Variants in PTOV1 observed in about 807,000 individuals in gnomAD.
PTOV1 encodes PTOV1 extended AT-hook containing adaptor protein.
PTOV1 carries 20 observed loss-of-function variants against 58.0 expected under a neutral mutation model. The ratio of observed to expected loss-of-function variants is 0.34; its 90% CI spans 0.24 to 0.50. The LOEUF (loss-of-function observed/expected upper bound fraction) is 0.50. Among genes scored for constraint, PTOV1 ranks in the 20% least tolerant of loss-of-function variants. The probability of loss-of-function intolerance (pLI) is 0.98; values close to 1 mark genes in which losing one functional copy is unlikely to be tolerated. For synonymous variants in PTOV1, 335 were observed against 234.2 expected (o/e 1.43, Z -3.93); for missense variants, 593 against 565.4 (o/e 1.05, Z -0.50).
In PTOV1 at chr19:49,856,972, C is replaced by T. The variant is rs779997053; in HGVS notation, c.559-3C>T. On this transcript the variant is annotated splice_region_variant and splice_polypyrimidine_tract_variant and intron_variant, in intron 5 of 11. Transcript: ENST00000391842. ...ACAGGGTCCTGACCCGCGGCCCCCG[C>T]AGGCGGGCTGCATGCTGTTCCCCCA... The T allele has an allele frequency of 1.9e-6, 3 of 1,612,422 alleles. No homozygotes were observed. The highest frequency in any genetic ancestry group is 2.7e-5 in the African/African-American group (2 of 74,898).
chr19:49,857,702 C>T (rs2074540362), exon 7 of PTOV1: 1 of 1,614,040 alleles, frequency 6.2e-7, no homozygotes, highest in Non-Finnish European at 8.5e-7. Flanking sequence ...GGCAGTGGGA[C>T]CTGGTGGTGT....
chr19:49,856,789 C>T (rs10418141), intron 5 of PTOV1, 186 bp from the exon 6 acceptor site: 46 of 669,644 alleles, frequency 6.9e-5, no homozygotes, highest in Admixed American at 1.2e-4. Flanking sequence ...ATGGCAGGGT[C>T]GGGGGATGCC....
chr19:49,854,838 G>A (rs773234830), exon 4 of PTOV1: 4 of 1,613,308 alleles, frequency 2.5e-6, no homozygotes, highest in Non-Finnish European at 3.4e-6. Flanking sequence ...TAGGGAGACC[G>A]ACCAGTGGCC....
exon 11 of PTOV1, chr19:49,860,019 T>C (rs748804055): frequency 6.2e-7 from 1 of 1,614,170 alleles, no homozygotes; most frequent in South Asian, 1.1e-5. Flanking sequence ...CAAAGCATCG[T>C]GTGAGATCCG....
In PTOV1 at chr19:49,857,085, C is replaced by T. The variant is rs766681999; in HGVS notation, c.669C>T (p.Ser223=). The T allele has an allele frequency of 2.7e-5, 43 of 1,613,994 alleles. 1 individual carries two copies. In the South Asian group the frequency reaches 2.9e-4, roughly 11 times the overall value. Residue 223 remains serine (S), a synonymous_variant, in exon 6 of 12, where the codon AGC becomes AGT. Transcript: ENST00000391842. ...TGGGCCTCATCCCCTACGACCAGAG[C>T]GGCTTCGTCAGTGCCATCCGGCAGG...
chr19:49,857,004 C>T (rs949233393), exon 6 of PTOV1: 27 of 1,613,566 alleles, frequency 1.7e-5, no homozygotes, highest in East Asian at 2.2e-5. Flanking sequence ...CCCACATCTC[C>T]CCCTGTGAGG....
At chr19:49,855,125 G>A in intron 5 of PTOV1, 48 bp downstream of exon 5, 2 of 1,502,976 alleles carry the variant, frequency 1.3e-6, no homozygotes, top group South Asian at 1.2e-5. Flanking sequence ...AAGTACAGCT[G>A]GAGGCAGCGC....
intron 1 of PTOV1, 83 bp downstream of exon 1, chr19:49,851,582 C>G: frequency 9.7e-7 from 1 of 1,032,256 alleles, no homozygotes; most frequent in Non-Finnish European, 1.2e-6. Flanking sequence ...TTGTCCGCAG[C>G]CCCCGCCGCT....
exon 10 of PTOV1, chr19:49,858,588 C>A: frequency 6.2e-7 from 1 of 1,606,528 alleles, no homozygotes; most frequent in Non-Finnish European, 8.5e-7. Flanking sequence ...GCGCCTGGTC[C>A]AGTTCCACTT....
intron 1 of PTOV1, chr19:49,851,877 G>A: frequency 1.0e-6 from 1 of 986,660 alleles, no homozygotes; most frequent in Non-Finnish European, 1.2e-6. Flanking sequence ...CGGTTTTGGG[G>A]GACAGCGGCG....
intron 1 of PTOV1, chr19:49,853,201 G>A (rs2074321537): frequency 6.6e-6 from 1 of 152,192 alleles, no homozygotes; most frequent in Non-Finnish European, 1.5e-5. Context: ...TAGAAAATTT[G>A]GAAAATACCT....
At chr19:49,851,431 C>T in exon 1 of PTOV1, 2 of 1,215,680 alleles carry the variant, frequency 1.6e-6, no homozygotes, top group Non-Finnish European at 2.0e-6. Context: ...CGTCCGCTCG[C>T]GCTCCTGGCC....
chr19:49,854,761 G>A (rs1318557750), intron 3 of PTOV1, 27 bp downstream of exon 3: 1 of 1,613,222 alleles, frequency 6.2e-7, no homozygotes, highest in Admixed American at 1.7e-5. Context: ...GGCAGCCAGG[G>A]CGGTGGCAGG....
At chr19:49,855,013 T>A in exon 5 of PTOV1, 1 of 1,601,890 alleles carries the variant, frequency 6.2e-7, no homozygotes, top group Non-Finnish European at 8.5e-7. Flanking sequence ...TTGGCACAGT[T>A]CCACTTCACC....
chr19:49,857,870 C>T (rs1483602373), intron 7 of PTOV1, 34 bp from the exon 8 acceptor site: 5 of 1,612,308 alleles, frequency 3.1e-6, no homozygotes, highest in South Asian at 2.2e-5. Context: ...GGGTCTCCAG[C>T]CCTGAGGGCT....
At chr19:49,854,721 C>G (rs748446625) in exon 3 of PTOV1, 1 of 1,613,540 alleles carries the variant, frequency 6.2e-7, no homozygotes, top group Non-Finnish European at 8.5e-7. Flanking sequence ...CTACGTGAAC[C>G]AAGGCGAGAA....
At chr19:49,854,473 G>A in exon 2 of PTOV1, 1 of 1,612,678 alleles carries the variant, frequency 6.2e-7, no homozygotes, top group Non-Finnish European at 8.5e-7. Context: ...ACCCTCGGGG[G>A]TCTGGCCGTG....
chr19:49,854,427 G>T lies in PTOV1; in HGVS notation c.193G>T (p.Ala65Ser), dbSNP rs2074372374. ...GCAGGAAGGTGCTCGGGTCTTCGGG[G>T]CACTGGGTCCCATCGGTCCCTCCTC... is the stretch of plus-strand genomic sequence containing the variant. The change falls in exon 2 of 12, where the codon GCA becomes TCA. Residue 65 changes from alanine (A) to serine (S), a missense_variant. By Grantham distance (99) the Ala-to-Ser change is moderately conservative. Coordinates refer to ENST00000391842, the Ensembl canonical transcript of PTOV1. 3.1e-6 allele frequency: 5 copies of T among 1,611,292 alleles called. No homozygotes were observed. Among genetic ancestry groups the T allele is most frequent in the Non-Finnish European group, 4.2e-6 (5 of 1,179,506 alleles).
chr19:49,855,150 C>T lies in PTOV1; in HGVS notation c.558+73C>T, dbSNP rs570274526. The T allele has an allele frequency of 1.2e-4, 170 of 1,421,782 alleles. 1 individual carries two copies. The African/African-American group carries it at 2.0e-3, about 17-fold the overall frequency. The allele number at this position is 1,421,782 out of a possible 1,614,324, so 88.1% of individuals were successfully genotyped here. A position where few individuals can be genotyped will look rare whatever the true frequency, so the allele number is the denominator to read the frequency against. On this transcript the variant is annotated intron_variant, in intron 5 of 11. Coordinates refer to ENST00000391842, the Ensembl canonical transcript of PTOV1. ...GGAGGCAGCGCTCTGCTCACACAGT[C>T]CAGGCGGGGGTCGGGGGGTCTCCCC...
Sources: allele counts gnomAD v4.1 joint callset, GRCh38; gene constraint gnomAD v4.1.1; transcripts MANE v1.5; gene names NCBI Gene and HGNC (gene_info 2026-07-23, HGNC 2026-07-21).